The following SCN3A variants were observed in gnomAD, a reference collection of about 807,000 sequenced individuals.
SCN3A encodes the protein sodium channel protein type 3 subunit alpha.
Under a neutral mutation model 187.6 loss-of-function variants are expected in SCN3A, and 60 were observed. That is an observed-to-expected ratio of 0.32 (90% CI 0.26 to 0.40). The LOEUF is 0.40. Among genes scored for constraint, SCN3A ranks in the 10% least tolerant of loss-of-function variants. The probability of loss-of-function intolerance (pLI) is 1.00; values close to 1 mark genes in which losing one functional copy is unlikely to be tolerated. For synonymous variants in SCN3A, 788 were observed against 829.2 expected, an observed-to-expected ratio of 0.95 and a Z score of 0.85; for missense variants, 1,601 against 2,428.2, an observed-to-expected ratio of 0.66 and a Z score of 7.16.
At chr2:165,167,134 C>T (rs1255817599) in intron 5 of SCN3A, among the ~76,000 whole-genome samples, 2 of 152,086 alleles carry the variant, frequency 1.3e-5, no homozygotes, top group Non-Finnish European at 2.9e-5. Flanking sequence ...CTCCAACTGC[C>T]TTCTTTAACT....
intron 12 of SCN3A, among the ~76,000 whole-genome samples, chr2:165,146,315 A>G (rs2105830448): frequency 6.6e-6 from 1 of 151,906 alleles, no homozygotes. Context: ...CTCAAAATGG[A>G]AAATGTAAAC....
intron 9 of SCN3A, among the ~76,000 whole-genome samples, chr2:165,156,794 C>T (rs1050740860): frequency 6.6e-6 from 1 of 152,176 alleles, no homozygotes; most frequent in Admixed American, 6.5e-5. Context: ...CTCAAGCAAT[C>T]TCCTGCCTTG....
intron 19 of SCN3A, among the ~76,000 whole-genome samples, chr2:165,114,463 C>T (rs1686263462): frequency 6.6e-6 from 1 of 152,210 alleles, no homozygotes; most frequent in African/African-American, 2.4e-5. Flanking sequence ...CTTAGTCACA[C>T]CTATGACTCA....
chr2:165,117,936 C>A (rs1290106038), intron 18 of SCN3A, among the ~76,000 whole-genome samples: 2 of 152,146 alleles, frequency 1.3e-5, no homozygotes, highest in Non-Finnish European at 2.9e-5. Flanking sequence ...TATAATTCTT[C>A]CATGTATTCT....
At chr2:165,127,540 G>A in intron 18 of SCN3A, 91 bp downstream of exon 18, 1 of 979,878 alleles carries the variant, frequency 1.0e-6, no homozygotes, top group Non-Finnish European at 1.6e-6. Flanking sequence ...ATTGCTTTTT[G>A]ATAATGCATA....
At chr2:165,139,677 T>C (rs1687882645) in intron 13 of SCN3A, 69 bp from the exon 14 acceptor site, 1 of 1,590,496 alleles carries the variant, frequency 6.3e-7, no homozygotes, top group African/African-American at 1.3e-5. Context: ...ATAGCATTTC[T>C]TTGGCAAATC....
In SCN3A at chr2:165,113,805, A is replaced by G. The variant is rs1357470379; in HGVS notation, c.3669+11T>C. 1.9e-6 allele frequency: 3 copies of G among 1,613,306 alleles called. No individual in the cohort carries two copies. In the African/African-American group the frequency reaches 4.0e-5, roughly 22 times the overall value. On this transcript the variant is annotated intron_variant, in intron 20 of 27. Coordinates refer to ENST00000283254, the MANE Select transcript of SCN3A (RefSeq NM_006922.4). ...CAGAATCTGATTCTTGCCAATATGC[A>G]TTTCACTTACCAATGCACCACTACT...
chr2:165,163,168 T>A (rs781194279), intron 7 of SCN3A, among the ~76,000 whole-genome samples: 15 of 152,266 alleles, frequency 9.9e-5, no homozygotes, highest in Non-Finnish European at 2.1e-4. Flanking sequence ...TTCTTTACTC[T>A]AGCCTCCAAG....
intron 9 of SCN3A, 125 bp from the exon 10 acceptor site, chr2:165,156,028 CA>C: frequency 8.4e-7 from 1 of 1,190,030 alleles, no homozygotes; most frequent in Non-Finnish European, 1.2e-6. Context: ...CTTTAATTTC[CA>C]GAACACTTTA....
At chr2:165,202,789 C>A (rs1692402458) in intron 1 of SCN3A, among the ~76,000 whole-genome samples, 2 of 152,110 alleles carry the variant, frequency 1.3e-5, no homozygotes, top group South Asian at 2.1e-4. Context: ...TGTTTCCATG[C>A]AAATTCCTAC....
intron 21 of SCN3A, among the ~76,000 whole-genome samples, chr2:165,109,919 G>T (rs10930149): frequency 6.6e-6 from 1 of 151,870 alleles, no homozygotes; most frequent in Non-Finnish European, 1.5e-5. Context: ...ATACAAGTAC[G>T]CCAGTTTCTT....
At chr2:165,131,796 CTGTGTCCA>C (rs986215417) in intron 15 of SCN3A, among the ~76,000 whole-genome samples, 1 of 143,198 alleles carries the variant, frequency 7.0e-6, no homozygotes, top group African/African-American at 2.6e-5. Context: ...GTTCCCCTTC[CTGTGTCCA>C]TGTGTTCTCA....
At chr2:165,098,233 C>G (rs758015214) in intron 22 of SCN3A, among the ~76,000 whole-genome samples, 12 of 152,172 alleles carry the variant, frequency 7.9e-5, no homozygotes, top group Non-Finnish European at 1.6e-4. Flanking sequence ...TCATTCACTT[C>G]TCATTAAATT....
rs1689490780 is a variant in SCN3A at position 165,162,809 on chromosome 2, C to T, written c.714G>A (p.Gly238=). Residue 238 remains glycine (G), a synonymous_variant, in exon 8 of 28, where the codon GGG becomes GGA. Coordinates refer to ENST00000283254, the MANE Select transcript of SCN3A (RefSeq NM_006922.4). ...SVIPGLKTIV[G]ALIQSVKKLS... is the part of the protein sequence containing the mutation. ...GCTTCTTTACCGACTGGATCAGGGC[C>T]CCCACAATGGTCTTTAAACCTGCAG... 1 of 1,613,866 alleles carries T rather than the reference C, an allele frequency of 6.2e-7. No homozygotes were observed. The highest frequency in any genetic ancestry group is 8.5e-7 in the Non-Finnish European group (1 of 1,179,970).
At chr2:165,163,747 A>G in intron 6 of SCN3A, 38 bp from the exon 7 acceptor site, 1 of 1,613,774 alleles carries the variant, frequency 6.2e-7, no homozygotes, top group South Asian at 1.1e-5. Context: ...ACAATAACAC[A>G]CAAGAAAAGT....
intron 9 of SCN3A, among the ~76,000 whole-genome samples, chr2:165,159,516 C>A (rs529114147): frequency 1.5e-5 from 2 of 135,986 alleles, no homozygotes; most frequent in South Asian, 4.6e-4. Flanking sequence ...TACACCATGC[C>A]TGGCTAATTT....
At chr2:165,203,075 A>G (rs1329666411) in intron 1 of SCN3A, among the ~76,000 whole-genome samples, 2 of 151,940 alleles carry the variant, frequency 1.3e-5, no homozygotes, top group East Asian at 3.9e-4. Flanking sequence ...ATTAATAAAA[A>G]TAAACAGTTA....
At chr2:165,126,668 CCCTT>C (rs897200427) in intron 18 of SCN3A, among the ~76,000 whole-genome samples, 5 of 145,364 alleles carry the variant, frequency 3.4e-5, no homozygotes, top group Admixed American at 6.9e-5. Flanking sequence ...CTCCCTCCCT[CCCTT>C]CCTTCCTTCT....
chr2:165,154,926 T>A (rs1397844703), intron 10 of SCN3A, among the ~76,000 whole-genome samples: 1 of 152,162 alleles, frequency 6.6e-6, no homozygotes, highest in African/African-American at 2.4e-5. Flanking sequence ...ATGCTTTTAT[T>A]AGAGTTCATA....
Sources: allele counts gnomAD v4.1 joint callset (sites outside exome capture counted in the v4.1 genomes callset), GRCh38; gene constraint gnomAD v4.1.1; transcripts MANE v1.5; gene names NCBI Gene and HGNC (gene_info 2026-07-23, HGNC 2026-07-21).